Variants in DSCAM observed in about 807,000 individuals in gnomAD.
The protein encoded by DSCAM is cell adhesion molecule DSCAM.
DSCAM carries 47 observed loss-of-function variants against 217.7 expected under a neutral mutation model. The ratio of observed to expected loss-of-function variants is 0.22; its 90% CI spans 0.17 to 0.28. DSCAM has a LOEUF of 0.28. Ranked by LOEUF, DSCAM falls within the 10% of genes least tolerant of loss-of-function variation. DSCAM has a pLI of 1.00. For synonymous variants in DSCAM, 1,056 were observed against 1,015.3 expected (o/e 1.04, Z -0.76); for missense variants, 2,080 against 2,618.3 (o/e 0.79, Z 4.49).
chr21:40,358,741 G>A (rs2074724035), intron 4 of DSCAM, among the ~76,000 whole-genome samples: 1 of 150,596 alleles, frequency 6.6e-6, no homozygotes, highest in African/African-American at 2.5e-5. Flanking sequence ...AGCGGAGGTT[G>A]CAGTGAGCCA....
chr21:40,620,380 AAGAAAG>A (rs2089492371), intron 3 of DSCAM, among the ~76,000 whole-genome samples: 1 of 96,318 alleles, frequency 1.0e-5, no homozygotes. Context: ...GAAAGAAAGA[AAGAAAG>A]AGAAAGAAAG....
At chr21:40,384,727 G>A (rs996999123) in intron 3 of DSCAM, 1 of 152,348 alleles carries the variant, frequency 6.6e-6, no homozygotes, top group African/African-American at 2.4e-5. Flanking sequence ...TCGCTACAGG[G>A]GATCTCTCAG....
intron 16 of DSCAM, among the ~76,000 whole-genome samples, chr21:40,160,932 A>T (rs763710462): frequency 8.5e-5 from 13 of 152,194 alleles, no homozygotes; most frequent in Admixed American, 5.2e-4. Flanking sequence ...TCCAAGTTCA[A>T]TTTGTGTCCT....
chr21:40,085,720 G>C lies in DSCAM; in HGVS notation c.4014C>G (p.Ile1338Met), dbSNP rs186088474. 14 of 1,584,682 alleles carry C rather than the reference G, an allele frequency of 8.8e-6. No homozygotes were observed. In the East Asian group the frequency reaches 2.0e-4, roughly 23 times the overall value. The change falls in exon 23 of 33, where the codon ATC (isoleucine) becomes ATG (methionine). Residue 1338 changes from isoleucine (I) to methionine (M), a missense_variant. Ile to Met is a conservative substitution (Grantham distance 10). This residue lies in a region of DSCAM where 1,144 missense variants were observed against 1,421.1 expected (regional missense o/e 0.81). Transcript: ENST00000400454. ...GAATAATGAAGCTTCCGTTGCTAAA[G>C]ATGCTCCTCCGCCCATCAATCGTTA... ...SLVTIDGRRS[I>M]FSNGSFIIRT...
At chr21:40,118,105 A>G (rs2089993227) in intron 20 of DSCAM, among the ~76,000 whole-genome samples, 1 of 152,220 alleles carries the variant, frequency 6.6e-6, no homozygotes, top group Admixed American at 6.5e-5. Flanking sequence ...GGTCATATTG[A>G]GAATTTTGAA....
Position 40,187,252 on chromosome 21 carries a change from T to C in DSCAM, c.2658A>G (p.Pro886=). ...CTTTGATCTCAATTTCGGGAGGGTC[T>C]GGGGGCTCTGTGCCATCAACAGAAA... ...GIIQLTVQEP[P]DPPEIEIKDV... The change falls in exon 14 of 33, where the codon CCA becomes CCG. Residue 886 remains proline, a synonymous_variant. Coordinates refer to ENST00000400454, the MANE Select transcript of DSCAM (RefSeq NM_001389.5). The C allele has an allele frequency of 3.1e-6, 5 of 1,613,992 alleles. No individual in the cohort carries two copies. The highest frequency in any genetic ancestry group is 4.2e-6 in the Non-Finnish European group (5 of 1,179,886).
chr21:40,163,821 C>T lies in DSCAM; in HGVS notation c.3018+3397G>A, dbSNP rs186652128. On this transcript the variant is annotated intron_variant, in intron 16 of 32. Transcript: ENST00000400454. ...GTGCCTGCCGTTGTATAGTCTAGGG[C>T]ATTTCACTGTATCATGAGTTAGACC... 2.0e-3 allele frequency among the ~76,000 whole-genome samples: 308 copies of T among 152,286 alleles called. 1 individual carries two copies. Among genetic ancestry groups the T allele is most frequent in the Non-Finnish European group, 3.1e-3 (208 of 68,026 alleles).
intron 3 of DSCAM, among the ~76,000 whole-genome samples, chr21:40,674,250 T>C (rs1269763603): frequency 1.3e-5 from 2 of 152,204 alleles, no homozygotes; most frequent in African/African-American, 4.8e-5. Flanking sequence ...CCATTTTATT[T>C]GTGGTTCTAG....
intron 3 of DSCAM, among the ~76,000 whole-genome samples, chr21:40,607,539 C>A (rs933991665): frequency 6.6e-6 from 1 of 151,654 alleles, no homozygotes; most frequent in African/African-American, 2.4e-5. Context: ...CAAATCTCAT[C>A]GTGAATTGTA....
At chr21:40,083,511 T>C (rs1267966607) in intron 24 of DSCAM, among the ~76,000 whole-genome samples, 1 of 151,994 alleles carries the variant, frequency 6.6e-6, no homozygotes, top group Non-Finnish European at 1.5e-5. Context: ...TAGATTGTTT[T>C]ACATCTACAC....
At chr21:40,543,127 T>C (rs558154684) in intron 3 of DSCAM, among the ~76,000 whole-genome samples, 1 of 152,244 alleles carries the variant, frequency 6.6e-6, no homozygotes, top group African/African-American at 2.4e-5. Context: ...AAAATATGTT[T>C]AAGTATTTAA....
At chr21:40,585,436 A>AAAAAG (rs1568922533) in intron 3 of DSCAM, among the ~76,000 whole-genome samples, 1 of 78,616 alleles carries the variant, frequency 1.3e-5, no homozygotes, top group African/African-American at 4.0e-5. Context: ...AAAAAAAAAA[A>AAAAAG]AAAAAAAGAA....
At chr21:40,039,791 G>A (rs899405224) in intron 32 of DSCAM, among the ~76,000 whole-genome samples, 34 of 152,196 alleles carry the variant, frequency 2.2e-4, no homozygotes, top group Non-Finnish European at 4.4e-4. Context: ...TCAAAGTCTG[G>A]GGATCATAAC....
chr21:40,681,859 T>A (rs1436753653), intron 3 of DSCAM, among the ~76,000 whole-genome samples: 1 of 152,068 alleles, frequency 6.6e-6, no homozygotes, highest in Non-Finnish European at 1.5e-5. Flanking sequence ...GAGTGAGACT[T>A]CTGCAAGTCA....
At chr21:40,443,337 G>T (rs1330471999) in intron 3 of DSCAM, among the ~76,000 whole-genome samples, 1 of 152,290 alleles carries the variant, frequency 6.6e-6, no homozygotes, top group East Asian at 1.9e-4. Flanking sequence ...CAATAAAGAC[G>T]TTGAAATCCT....
intron 8 of DSCAM, among the ~76,000 whole-genome samples, chr21:40,330,198 A>C (rs143155898): frequency 6.7e-6 from 1 of 149,856 alleles, no homozygotes; most frequent in Non-Finnish European, 1.5e-5. Flanking sequence ...TCATGTATAT[A>C]CATTTAAAAT....
intron 2 of DSCAM, among the ~76,000 whole-genome samples, chr21:40,701,593 C>T (rs1214609286): frequency 6.6e-6 from 1 of 151,926 alleles, no homozygotes; most frequent in East Asian, 1.9e-4. Context: ...TAGTGGCACT[C>T]CCCAAATTCA....
At chr21:40,721,296 A>G (rs1039945599) in intron 1 of DSCAM, among the ~76,000 whole-genome samples, 7 of 152,198 alleles carry the variant, frequency 4.6e-5, no homozygotes, top group South Asian at 2.1e-4. Context: ...ACAATAAGGG[A>G]AATATGGCAT....
intron 11 of DSCAM, 135 bp from the exon 12 acceptor site, chr21:40,189,373 A>G: frequency 1.3e-6 from 1 of 790,760 alleles, no homozygotes; most frequent in South Asian, 2.3e-5. Flanking sequence ...GCTGCATGAG[A>G]ATCTCGAGCA....
Sources: allele counts gnomAD v4.1 joint callset (sites outside exome capture counted in the v4.1 genomes callset), GRCh38; gene constraint gnomAD v4.1.1; regional missense constraint gnomAD v4.1.1; transcripts MANE v1.5; gene names NCBI Gene and HGNC (gene_info 2026-07-23, HGNC 2026-07-21).